Variants in SAMHD1 observed in about 807,000 individuals in gnomAD.
The protein encoded by SAMHD1 is deoxynucleoside triphosphate triphosphohydrolase SAMHD1.
SAMHD1 carries 54 observed loss-of-function variants against 79.6 expected under a neutral mutation model. The ratio of observed to expected loss-of-function variants is 0.68; its 90% CI spans 0.55 to 0.85. SAMHD1 has a LOEUF of 0.85. Ranked by LOEUF, SAMHD1 falls within the 40% of genes least tolerant of loss-of-function variation. The probability of loss-of-function intolerance (pLI) is 0.00; values close to 1 mark genes in which losing one functional copy is unlikely to be tolerated. For missense variants in SAMHD1, 663 were observed against 782.7 expected (o/e 0.85, Z 1.82); for synonymous variants, 260 against 264.1 (o/e 0.98, Z 0.15).
At chr20:36,924,600 C>T (rs1242571238) in intron 6 of SAMHD1, among the ~76,000 whole-genome samples, 1 of 152,112 alleles carries the variant, frequency 6.6e-6, no homozygotes, top group Non-Finnish European at 1.5e-5. Context: ...TGGCATCCCA[C>T]ATAACAGCTG....
At chr20:36,908,828 G>T (rs984238836) in intron 11 of SAMHD1, among the ~76,000 whole-genome samples, 17 of 152,110 alleles carry the variant, frequency 1.1e-4, no homozygotes, top group Admixed American at 9.2e-4. Context: ...AGGAAGCTAC[G>T]GTAGAGTGAT....
intron 6 of SAMHD1, 92 bp from the exon 7 acceptor site, chr20:36,919,611 G>GAGATAATTACTC: frequency 1.8e-6 from 2 of 1,127,862 alleles, no homozygotes; most frequent in Non-Finnish European, 2.6e-6. Context: ...AAGTAATTCT[G>GAGATAATTACTC]AGATAAAGGT....
At chr20:36,904,292 C>T (rs1481930633) in intron 12 of SAMHD1, 43 bp from the exon 13 acceptor site, 1 of 1,362,066 alleles carries the variant, frequency 7.3e-7, no homozygotes, top group Admixed American at 1.7e-5. Context: ...CATTTTTCAT[C>T]AAGTCTTTGA....
At chr20:36,940,850 T>G (rs2063638625) in intron 3 of SAMHD1, 189 bp downstream of exon 3, 2 of 612,788 alleles carry the variant, frequency 3.3e-6, no homozygotes, top group Non-Finnish European at 5.8e-6. Flanking sequence ...TTAAACATAT[T>G]TTAGTTCTTC....
intron 7 of SAMHD1, 111 bp from the exon 8 acceptor site, chr20:36,917,160 G>C (rs2146117231): frequency 1.4e-6 from 1 of 718,460 alleles, no homozygotes; most frequent in East Asian, 2.7e-5. Flanking sequence ...ACCTGACTGG[G>C]AATATGAGAT....
At chr20:36,922,352 T>C (rs2063511255) in intron 6 of SAMHD1, among the ~76,000 whole-genome samples, 1 of 152,212 alleles carries the variant, frequency 6.6e-6, no homozygotes, top group South Asian at 2.1e-4. Flanking sequence ...TTTTAGGAAA[T>C]ACCCACTGAA....
At chr20:36,928,453 G>T (rs1328564317) in intron 5 of SAMHD1, among the ~76,000 whole-genome samples, 1 of 152,086 alleles carries the variant, frequency 6.6e-6, no homozygotes, top group Non-Finnish European at 1.5e-5. Context: ...TTGGGAGGCC[G>T]AGGCGGGTAG....
chr20:36,932,880 T>G (rs1294621025), intron 4 of SAMHD1, among the ~76,000 whole-genome samples: 4 of 152,198 alleles, frequency 2.6e-5, no homozygotes. Context: ...TAAAAAACAC[T>G]TAAGACTATG....
At chr20:36,926,878 C>G (rs1399906497) in intron 6 of SAMHD1, 1 of 301,726 alleles carries the variant, frequency 3.3e-6, no homozygotes, top group Non-Finnish European at 6.2e-6. Flanking sequence ...GAGTATTAAA[C>G]TGGCAACTGG....
At chr20:36,941,132 G>C in intron 2 of SAMHD1, 21 bp from the exon 3 acceptor site, 1 of 1,533,420 alleles carries the variant, frequency 6.5e-7, no homozygotes, top group South Asian at 1.1e-5. Flanking sequence ...AATAGGATAA[G>C]CAAGTCTATC....
chr20:36,944,692 C>T (rs923136553), intron 2 of SAMHD1, among the ~76,000 whole-genome samples: 4 of 151,964 alleles, frequency 2.6e-5, no homozygotes, highest in Non-Finnish European at 4.4e-5. Context: ...GTCGGGAGTT[C>T]GAGACCAGCC....
chr20:36,935,214 C>T (rs1048299880), intron 3 of SAMHD1, 25 bp from the exon 4 acceptor site: 2 of 1,580,386 alleles, frequency 1.3e-6, no homozygotes, highest in African/African-American at 1.4e-5. Flanking sequence ...TTAATTAATA[C>T]AAATAACGAC....
At position 36,927,138 on chromosome 20, in the gene SAMHD1, A is replaced by T. The variant is rs201594999; in HGVS notation, c.696+44T>A. The T allele has an allele frequency of 2.3e-5, 35 of 1,516,548 alleles. No individual in the cohort carries two copies. In the Admixed American group the frequency reaches 4.5e-4, roughly 20 times the overall value. The allele number at this position is 1,516,548 out of a possible 1,614,324, so 93.9% of individuals were successfully genotyped here. Reference sequence around the variant, plus strand: ...ATAAATTAACTAAATAACCTGCTTAAATAGTCTTTCTTTTTATTGACTATT... The same window carrying T: ...ATAAATTAACTAAATAACCTGCTTATATAGTCTTTCTTTTTATTGACTATT... On this transcript the variant is annotated intron_variant, in intron 6 of 15. Transcript: ENST00000646673.
chr20:36,919,559 A>C (rs1379418406), intron 6 of SAMHD1, 40 bp from the exon 7 acceptor site: 4 of 1,602,488 alleles, frequency 2.5e-6, no homozygotes, highest in Admixed American at 3.3e-5. Flanking sequence ...TAAAGATTCT[A>C]GCCCATTGGG....
At chr20:36,921,263 T>C (rs1292258564) in intron 6 of SAMHD1, among the ~76,000 whole-genome samples, 1 of 151,492 alleles carries the variant, frequency 6.6e-6, no homozygotes, top group Admixed American at 6.6e-5. Context: ...TGTGGTGGCA[T>C]GCACCTGTAG....
Position 36,917,031 on chromosome 20 carries a change from G to T in SAMHD1, c.871C>A (p.Pro291Thr). 6.2e-7 allele frequency: 1 copy of T among 1,613,512 alleles called. No homozygotes were observed. The highest frequency in any genetic ancestry group is 8.5e-7 in the Non-Finnish European group (1 of 1,179,604). ...EDSLWPYKGRPENKSFLYEIV... is the reference protein window; with the variant it reads ...EDSLWPYKGRTENKSFLYEIV... ...TCATAAAGGAAGCTTTTGTTTTCAG[G>T]ACGCCCTTTATATGGCCACTGGAAG... The change falls in exon 8 of 16, where the codon CCT becomes ACT. Residue 291 changes from proline to threonine, a missense_variant. Physicochemically the swap from Pro to Thr is conservative, Grantham distance 38. Coordinates refer to ENST00000646673, the MANE Select transcript of SAMHD1 (RefSeq NM_015474.4).
rs1255201901 is a variant in SAMHD1 at position 36,912,493 on chromosome 20, A to G, written c.1122T>C (p.Tyr374=). The G allele has an allele frequency of 1.2e-6, 2 of 1,613,290 alleles. No individual in the cohort carries two copies. The highest frequency in any genetic ancestry group is 8.5e-7 in the Non-Finnish European group (1 of 1,179,294). Residue 374 remains tyrosine, a synonymous_variant, in exon 10 of 16, where the codon TAT becomes TAC. Coordinates refer to ENST00000646673, the MANE Select transcript of SAMHD1 (RefSeq NM_015474.4). ...CAATAATGTTGCCAACTTTGTGTTG[A>G]TAAGCTCTACGGTGTAAAGAGTTGC... ...HTRNSLHRRA[Y]QHKVGNIIDT... is the part of the protein sequence containing the mutation.
chr20:36,905,549 A>C (rs1326162562), intron 11 of SAMHD1, 46 bp from the exon 12 acceptor site: 2 of 1,488,340 alleles, frequency 1.3e-6, no homozygotes, highest in African/African-American at 2.8e-5. Context: ...AAAAACACAG[A>C]GTTAAAGAAT....
chr20:36,913,756 C>CA (rs1555833696), intron 9 of SAMHD1, among the ~76,000 whole-genome samples: 18 of 135,318 alleles, frequency 1.3e-4, no homozygotes, highest in Non-Finnish European at 2.2e-4. Context: ...TCATTCTTGA[C>CA]TTTTTTTTTT....
Sources: allele counts gnomAD v4.1 joint callset (sites outside exome capture counted in the v4.1 genomes callset), GRCh38; gene constraint gnomAD v4.1.1; transcripts MANE v1.5; gene names NCBI Gene and HGNC (gene_info 2026-07-23, HGNC 2026-07-21).